DNHD1: variants seen among roughly 807,000 people sequenced by gnomAD.
DNHD1 encodes the protein dynein heavy chain domain-containing protein 1.
A neutral mutation model predicts 458.1 loss-of-function variants in DNHD1; 383 were observed. The ratio of observed to expected loss-of-function variants is 0.84; its 90% CI spans 0.77 to 0.91. DNHD1 has a LOEUF of 0.91. Among genes scored for constraint, DNHD1 ranks in the 40% least tolerant of loss-of-function variants. DNHD1 has a pLI of 0.00. For missense variants in DNHD1, 5,336 were observed against 5,866.1 expected, an observed-to-expected ratio of 0.91 and a Z score of 2.95; for synonymous variants, 2,203 against 2,376.9, an observed-to-expected ratio of 0.93 and a Z score of 2.13.
Position 6,556,699 on chromosome 11 carries a change from C to T in DNHD1, c.7404C>T (p.Cys2468=). ...GTCCCATAGACCCAGAGAAGAGCTG[C>T]CAGCCAGTGTTGGAGACTCTGCGCC... is the stretch of plus-strand genomic sequence containing the variant. The part of the protein sequence containing the change: ...HLATSDPEKS[C]QPVLETLRQA... The change falls in exon 25 of 43, where the codon TGC becomes TGT. Residue 2468 remains cysteine, a synonymous_variant. Transcript: ENST00000254579. The T allele has an allele frequency of 4.5e-6, 7 of 1,543,050 alleles. No homozygotes were observed. The highest frequency in any genetic ancestry group is 5.3e-6 in the Non-Finnish European group (6 of 1,140,144).
Position 6,508,908 on chromosome 11 carries a change from G to C in DNHD1, c.949G>C (p.Asp317His). The stretch of plus-strand genomic sequence containing the variant: ...TTACAGCCTGATGGTGGTGCCACCC[G>C]ACAAGGTGAATCCCGAGCACTACAT... Reference protein sequence around the residue: ...RPYSLMVVPPDKVNPEHYIFS... With the variant: ...RPYSLMVVPPHKVNPEHYIFS... The change falls in exon 5 of 43, where the codon GAC (aspartate) becomes CAC (histidine). Residue 317 changes from aspartate to histidine, a missense_variant. Physicochemically the swap from Asp to His is moderately conservative, Grantham distance 81 (BLOSUM62 -1). This residue lies in a region of DNHD1 where 3,932 missense variants were observed against 4,365.6 expected (regional missense o/e 0.90). Transcript: ENST00000254579. 1 of 1,614,020 alleles carries C rather than the reference G, an allele frequency of 6.2e-7. No individual in the cohort carries two copies. The highest frequency in any genetic ancestry group is 1.3e-5 in the African/African-American group (1 of 74,952).
Position 6,547,291 on chromosome 11 carries a change from C to G in DNHD1, c.6352C>G (p.Arg2118Gly), listed in dbSNP as rs866235708. 27 of 1,551,672 alleles carry G rather than the reference C, an allele frequency of 1.7e-5. No homozygotes were observed. Among genetic ancestry groups the G allele is most frequent in the Non-Finnish European group, 2.3e-5 (26 of 1,146,998 alleles). Residue 2118 changes from arginine to glycine, a missense_variant, in exon 21 of 43, where the codon CGA becomes GGA. Physicochemically the swap from Arg to Gly is moderately radical, Grantham distance 125. This residue lies in a region of DNHD1 where 3,932 missense variants were observed against 4,365.6 expected (regional missense o/e 0.90). Transcript: ENST00000254579. ...TCTCCCCAGTGGACAGCAGATAGCA[C>G]GACCCCCAGGCACCTTTCTCTTGAT... Reference protein sequence around the residue: ...LSLPSGQQIARPPGTFLLMEV... With the variant: ...LSLPSGQQIAGPPGTFLLMEV...
rs950249342 is a variant in DNHD1, at chr11:6,567,165, A to T, written c.11656A>T (p.Lys3886Ter). ...CCCAGAGAACTGGCTGGCAGTCACT[A>T]AGCAGGCTCTGGACAGCATGAAGCC... ...MSPENWLAVTKQALDSMKPRE... is the reference protein window; with the variant it reads ...MSPENWLAVT Residue 3886 changes from lysine (K) to a stop codon, truncating the protein, a stop_gained, in exon 36 of 43, where the codon AAG (lysine) becomes TAG (stop). Transcript: ENST00000254579. LOFTEE classifies it high-confidence loss of function. 1 of 1,614,046 alleles carries T rather than the reference A, an allele frequency of 6.2e-7. No homozygotes were observed. The highest frequency in any genetic ancestry group is 1.3e-5 in the African/African-American group (1 of 75,064).
rs746402650 is a variant in DNHD1 at position 6,520,093 on chromosome 11, T to C, written c.1776T>C (p.Ser592=). 1.9e-6 allele frequency: 3 copies of C among 1,614,228 alleles called. No homozygotes were observed. The highest frequency in any genetic ancestry group is 1.7e-6 in the Non-Finnish European group (2 of 1,180,036). The change falls in exon 9 of 43, where the codon TCT becomes TCC. Residue 592 remains serine, a synonymous_variant. Coordinates refer to ENST00000254579, the MANE Select transcript of DNHD1 (RefSeq NM_144666.3). Reference sequence around the variant, plus strand: ...GAGGCCTACAGTCTGTCAAGACCTCTGCCTTGCAGGTATTCTGAATTGGGC... The same window carrying C: ...GAGGCCTACAGTCTGTCAAGACCTCCGCCTTGCAGGTATTCTGAATTGGGC... ...LTGGLQSVKT[S]ALQVVQSADL... is the part of the protein sequence containing the mutation.
rs1012998373 is a variant in DNHD1 at position 6,505,356 on chromosome 11, G to A, written c.920+2430G>A. Among the ~76,000 whole-genome samples the A allele has an allele frequency of 2.0e-5, 3 of 151,932 alleles. No homozygotes were observed. The highest frequency in any genetic ancestry group is 2.9e-5 in the Non-Finnish European group (2 of 67,970). On this transcript the variant is annotated intron_variant, in intron 4 of 42. Transcript: ENST00000254579. The surrounding 1 kb of genome is among the most constrained non-coding windows in gnomAD (Gnocchi z 4.4). The stretch of plus-strand genomic sequence containing the variant: ...GCATCTCCGCCTCCCAGGTTCAAGC[G>A]ATTCTCCTGCCACAGCCTCCCAAGT...
At chr11:6,559,132 A>T (rs1403891798) in intron 27 of DNHD1, 26 bp downstream of exon 27, 1 of 1,551,506 alleles carries the variant, frequency 6.4e-7, no homozygotes, top group East Asian at 2.4e-5. Flanking sequence ...CCTGCAGTGT[A>T]CCTCCTTCTG....
At position 6,558,907 on chromosome 11, in the gene DNHD1, T is replaced by A. The variant is rs1233296001; in HGVS notation, c.9217T>A (p.Trp3073Arg). Residue 3073 changes from tryptophan (W) to arginine (R), a missense_variant, in exon 27 of 43, where the codon TGG becomes AGG. Physicochemically the swap from Trp to Arg is moderately radical, Grantham distance 101. Around this residue, in one of 4 missense-constraint regions of DNHD1, gnomAD observed 3,932 missense variants for 4,365.6 expected, o/e 0.90. Transcript: ENST00000254579. The stretch of plus-strand genomic sequence containing the variant: ...TAAAGCCATGCCCATTGCAGGCTCC[T>A]GGAAGTACCCAGACCTCCAGGCCTC... ...AQSVPLDDGSWKYPDLQASIP... is the reference protein window; with the variant it reads ...AQSVPLDDGSRKYPDLQASIP... The A allele has an allele frequency of 6.4e-7, 1 of 1,551,600 alleles. No homozygotes were observed. The highest frequency in any genetic ancestry group is 8.7e-7 in the Non-Finnish European group (1 of 1,147,000).
chr11:6,566,126 T>C, intron 33 of DNHD1, 115 bp from the exon 34 acceptor site: 1 of 1,490,362 alleles, frequency 6.7e-7, no homozygotes, highest in Non-Finnish European at 9.0e-7. Flanking sequence ...AAGCGTCTTG[T>C]GGGAACCCTC....
rs560639868 is a variant in DNHD1, at chr11:6,533,252, C to T, written c.2505+68C>T. On this transcript the variant is annotated intron_variant, in intron 13 of 42. Coordinates refer to ENST00000254579, the MANE Select transcript of DNHD1 (RefSeq NM_144666.3). ...ATCCTGCTCAAAAGCTCAGCACACT[C>T]TCTTCAGGTCTCTGCTGAGCCCCCA... is the stretch of plus-strand genomic sequence containing the variant. 7 of 1,453,380 alleles carry T rather than the reference C, an allele frequency of 4.8e-6. No homozygotes were observed. The African/African-American group carries it at 8.4e-5, about 17-fold the overall frequency. The allele number at this position is 1,453,380 out of a possible 1,614,324, so 90.0% of individuals were successfully genotyped here.
chr11:6,540,491 G>A (rs1467096097), intron 18 of DNHD1, among the ~76,000 whole-genome samples: 1 of 152,100 alleles, frequency 6.6e-6, no homozygotes, highest in African/African-American at 2.4e-5. Context: ...GCTAAACACA[G>A]GAGACCTTGA....
chr11:6,502,275 A>G (rs1420916006), intron 3 of DNHD1, among the ~76,000 whole-genome samples: 3 of 152,162 alleles, frequency 2.0e-5, no homozygotes, highest in Non-Finnish European at 2.9e-5. Flanking sequence ...CAGAAAATGT[A>G]ACAGGCATGG....
chr11:6,565,652 A>C (rs1564823424), intron 32 of DNHD1, 43 bp from the exon 33 acceptor site: 4 of 1,495,094 alleles, frequency 2.7e-6, no homozygotes, highest in Admixed American at 2.4e-5. Flanking sequence ...AAGGAGTCTG[A>C]TTCCTCCCCT....
intron 10 of DNHD1, among the ~76,000 whole-genome samples, chr11:6,521,829 G>A (rs1337160452): frequency 6.6e-6 from 1 of 152,060 alleles, no homozygotes; most frequent in African/African-American, 2.4e-5. Flanking sequence ...TGATCTTTTC[G>A]CCTCAGCCTC....
chr11:6,557,217 G>T lies in DNHD1; in HGVS notation c.7922G>T (p.Arg2641Leu), dbSNP rs373072664. ...TGTCTGACCGTTATGATGGCCACAC[G>T]CAATGTGGTGCGTCTTTGGTTGCAT... The part of the protein sequence containing the change: ...GTCLTVMMAT[R>L]NVVRLWLHEA... Residue 2641 changes from arginine to leucine, a missense_variant, in exon 25 of 43, where the codon CGC becomes CTC. Physicochemically the swap from Arg to Leu is moderately radical, Grantham distance 102. Around this residue, in one of 4 missense-constraint regions of DNHD1, gnomAD observed 3,932 missense variants for 4,365.6 expected, o/e 0.90. Transcript: ENST00000254579. The T allele has an allele frequency of 6.4e-7, 1 of 1,551,462 alleles. No individual in the cohort carries two copies. The highest frequency in any genetic ancestry group is 8.7e-7 in the Non-Finnish European group (1 of 1,147,018).
At position 6,512,096 on chromosome 11, in the gene DNHD1, G is replaced by A. The variant is rs1014407187; in HGVS notation, c.1392+667G>A. Among the ~76,000 whole-genome samples the A allele has an allele frequency of 4.6e-5, 7 of 152,000 alleles. No homozygotes were observed. The East Asian group carries it at 5.8e-4, about 13-fold the overall frequency. ...GCATACCTTGCCTGGCTTGAGCCAG[G>A]TTTTGGGTTCTACATGTTGCTCTAA... On this transcript the variant is annotated intron_variant, in intron 7 of 42. Coordinates refer to ENST00000254579, the MANE Select transcript of DNHD1 (RefSeq NM_144666.3).
At position 6,557,316 on chromosome 11, in the gene DNHD1, T is replaced by C. The variant is rs1466412433; in HGVS notation, c.8021T>C (p.Val2674Ala). 4 of 1,551,600 alleles carry C rather than the reference T, an allele frequency of 2.6e-6. No homozygotes were observed. The highest frequency in any genetic ancestry group is 3.5e-6 in the Non-Finnish European group (4 of 1,147,002). ...TCCTACTGTGCCAAGCTGCTCCTAG[T>C]AGTAGCTCAAAGTGTCTTCTGCTGT... is the stretch of plus-strand genomic sequence containing the variant. Reference protein sequence around the residue: ...ERSYCAKLLLVVAQSVFCCGP... With the variant: ...ERSYCAKLLLAVAQSVFCCGP... Residue 2674 changes from valine to alanine, a missense_variant, in exon 25 of 43, where the codon GTA becomes GCA. Around this residue, in one of 4 missense-constraint regions of DNHD1, gnomAD observed 3,932 missense variants for 4,365.6 expected, o/e 0.90. Transcript: ENST00000254579.
At chr11:6,507,881 A>G (rs1852260060) in intron 4 of DNHD1, among the ~76,000 whole-genome samples, 1 of 152,260 alleles carries the variant, frequency 6.6e-6, no homozygotes. Context: ...TGTCAAAAAC[A>G]AAACAAGGTT....
rs1391682539 is a variant in DNHD1 at position 6,571,040 on chromosome 11, C to G, written c.13528C>G (p.Leu4510Val). ...CGACCTTGATTGCCTGTTGCAGCAG[C>G]TGAAGGGCGCACCCCCGTGCCCCTC... ...QRDLDCLLQQ[L>V]KGAPPCPSRR... Residue 4510 changes from leucine (L) to valine (V), a missense_variant, in exon 42 of 43, where the codon CTG (leucine) becomes GTG (valine). By Grantham distance (32) the Leu-to-Val change is conservative. Around this residue, in one of 4 missense-constraint regions of DNHD1, gnomAD observed 698 missense variants for 664.9 expected, o/e 1.05. Coordinates refer to ENST00000254579, the MANE Select transcript of DNHD1 (RefSeq NM_144666.3). The surrounding 1 kb of genome is among the most constrained non-coding windows in gnomAD (Gnocchi z 5.0). The G allele has an allele frequency of 2.5e-6, 4 of 1,581,282 alleles. No individual in the cohort carries two copies. The highest frequency in any genetic ancestry group is 3.4e-6 in the Non-Finnish European group (4 of 1,161,504).
In DNHD1 at chr11:6,557,032, G is replaced by C. The variant is rs781307149; in HGVS notation, c.7737G>C (p.Met2579Ile). The C allele has an allele frequency of 2.6e-5, 40 of 1,551,394 alleles. No homozygotes were observed. The highest frequency in any genetic ancestry group is 4.1e-5 in the African/African-American group (3 of 72,978). The change falls in exon 25 of 43, where the codon ATG becomes ATC. Residue 2579 changes from methionine (M) to isoleucine (I), a missense_variant. Met to Ile is a conservative substitution (Grantham distance 10). Transcript: ENST00000254579. ...GGGAGGCTGTGTGCAATTGCTTCATGCCTTCACCCCTCCACCCACACTACC... is the reference window on the plus strand; with the variant it reads ...GGGAGGCTGTGTGCAATTGCTTCATCCCTTCACCCCTCCACCCACACTACC... ...EAWEAVCNCF[M>I]PSPLHPHYHF...
Sources: allele counts gnomAD v4.1 joint callset (sites outside exome capture counted in the v4.1 genomes callset), GRCh38; gene constraint gnomAD v4.1.1; regional missense constraint gnomAD v4.1.1; non-coding constraint Gnocchi (gnomAD v3.1); transcripts MANE v1.5; gene names NCBI Gene and HGNC (gene_info 2026-07-23, HGNC 2026-07-21).